The following DNM2 variants were observed in gnomAD, a reference collection of about 807,000 sequenced individuals.
The protein encoded by DNM2 is dynamin 2.
In DNM2, 15 loss-of-function variants were observed where a neutral mutation model predicts 99.0. The observed-to-expected ratio is 0.15, with a 90% confidence interval of 0.10 to 0.23. The LOEUF is 0.23. DNM2 is among the 10% of genes least tolerant of loss of function. The pLI is 1.00. For missense variants in DNM2, 742 were observed against 1,189.4 expected (o/e 0.62, Z 5.53); for synonymous variants, 525 against 481.2 (o/e 1.09, Z -1.19).
At chr19:10,728,585 A>G (rs1299144837) in intron 1 of DNM2, among the ~76,000 whole-genome samples, 1 of 151,430 alleles carries the variant, frequency 6.6e-6, no homozygotes, top group Non-Finnish European at 1.5e-5. Context: ...AGCAGCAACC[A>G]CTCTACACCA....
intron 1 of DNM2, among the ~76,000 whole-genome samples, chr19:10,736,267 A>AG (rs2069522118): frequency 6.6e-6 from 1 of 150,508 alleles, no homozygotes; most frequent in Admixed American, 6.6e-5. Context: ...TCTGTCTCAA[A>AG]AAAAAAAAAA....
At chr19:10,739,278 A>T (rs2069650376) in intron 1 of DNM2, among the ~76,000 whole-genome samples, 1 of 152,244 alleles carries the variant, frequency 6.6e-6, no homozygotes, top group East Asian at 1.9e-4. Flanking sequence ...TTATTGAAAT[A>T]TAATTCACAT....
intron 1 of DNM2, among the ~76,000 whole-genome samples, chr19:10,737,453 G>C (rs2069570723): frequency 6.6e-6 from 1 of 151,932 alleles, no homozygotes; most frequent in Non-Finnish European, 1.5e-5. Context: ...GGAACCACTT[G>C]TCATTCCTGT....
At position 10,756,601 on chromosome 19, in the gene DNM2, G is replaced by A. The variant is rs550372863; in HGVS notation, c.162-3137G>A. On this transcript the variant is annotated intron_variant, in intron 1 of 20. Transcript: ENST00000389253. ...TCCCTCGGGCTCTTTGTCATCCTCA[G>A]GAGTGTGGCTCGAAGACAGGTAGCA... 3.3e-5 allele frequency among the ~76,000 whole-genome samples: 5 copies of A among 152,318 alleles called. No homozygotes were observed. In the South Asian group the frequency reaches 1.0e-3, roughly 32 times the overall value.
rs1394936958 is a variant in DNM2, at chr19:10,795,656, C to G, written c.1196+217C>G. 3.3e-6 allele frequency: 2 copies of G among 606,184 alleles called. No individual in the cohort carries two copies. Among genetic ancestry groups the G allele is most frequent in the Admixed American group, 5.6e-5 (2 of 35,536 alleles). 37.6% of individuals were successfully genotyped at this position (606,184 alleles called of 1,614,324 possible). The stretch of plus-strand genomic sequence containing the variant: ...CGTCCATTGCAGGCTTCAGGGCTGT[C>G]TGCAGCTCCTGATCAAATAGGGCTT... On this transcript the variant is annotated intron_variant, in intron 9 of 20. Transcript: ENST00000389253. This position sits in a 1 kb window ranked among gnomAD's most constrained non-coding sequence, Gnocchi z 4.2.
chr19:10,759,671 G>T, intron 1 of DNM2, 67 bp from the exon 2 acceptor site: 1 of 1,597,312 alleles, frequency 6.3e-7, no homozygotes. Context: ...TCCACCACAT[G>T]TGGTCACACT....
At chr19:10,780,926 G>C (rs2071347149) in intron 5 of DNM2, among the ~76,000 whole-genome samples, 1 of 151,166 alleles carries the variant, frequency 6.6e-6, no homozygotes, top group African/African-American at 2.4e-5. Context: ...GCTGAGACAT[G>C]AGAATCGCTT....
At chr19:10,823,766 C>T in intron 16 of DNM2, 22 bp from the exon 17 acceptor site, 1 of 1,611,372 alleles carries the variant, frequency 6.2e-7, no homozygotes, top group Non-Finnish European at 8.5e-7. Flanking sequence ...GCTTGTGCCC[C>T]TCCTTCCCCA....
intron 1 of DNM2, among the ~76,000 whole-genome samples, chr19:10,748,378 C>A (rs1019792388): frequency 1.3e-5 from 2 of 152,154 alleles, no homozygotes; most frequent in Admixed American, 6.5e-5. Flanking sequence ...GGGTGAGGGC[C>A]AGGGGAGCCC....
rs1361038125 is a variant in DNM2 at position 10,812,853 on chromosome 19, A to T, written c.1671+476A>T. Among the ~76,000 whole-genome samples, 1 of 152,204 alleles carries T rather than the reference A, an allele frequency of 6.6e-6. No individual in the cohort carries two copies. The highest frequency in any genetic ancestry group is 6.5e-5 in the Admixed American group (1 of 15,280). ...GGCTGGAGAGCAGCCACCATGTGCC[A>T]AAAGGCTTACATTGTACCTGGCCCC... On this transcript the variant is annotated intron_variant, in intron 15 of 20. Transcript: ENST00000389253. This position sits in a 1 kb window ranked among gnomAD's most constrained non-coding sequence, Gnocchi z 4.0.
Position 10,732,195 on chromosome 19 carries a change from C to T in DNM2, c.161+13792C>T, listed in dbSNP as rs146343304. ...CTTGAACTCCTGACCTCAGGTTATC[C>T]GCCTGCTTCAGCCTCCCAGAGTGCT... On this transcript the variant is annotated intron_variant, in intron 1 of 20. Transcript: ENST00000389253. Among the ~76,000 whole-genome samples the T allele has an allele frequency of 8.0e-3, 1,212 of 150,828 alleles. 30 individuals are homozygous for T. Among genetic ancestry groups the T allele is most frequent in the African/African-American group, 0.028 (1,149 of 41,198 alleles).
rs1465014299 is a variant in DNM2, at chr19:10,788,244, A to AG, written c.992+1538_992+1539insG. Among the ~76,000 whole-genome samples the AG allele has an allele frequency of 4.6e-5, 7 of 152,090 alleles. No homozygotes were observed. In the East Asian group the frequency reaches 1.4e-3, roughly 29 times the overall value. On this transcript the variant is annotated intron_variant, in intron 7 of 20. Coordinates refer to ENST00000389253, the MANE Select transcript of DNM2 (RefSeq NM_001005361.3). ...TAAGACTCCGTCTCAAAAAAAAAAA[A>AG]AAAAAAAGAAGTTGAGTGTCAGGCG... is the stretch of plus-strand genomic sequence containing the variant.
Position 10,812,203 on chromosome 19 carries a change from C to T in DNM2, c.1558-61C>T, listed in dbSNP as rs759187856. 17 of 1,444,988 alleles carry T rather than the reference C, an allele frequency of 1.2e-5. No homozygotes were observed. The highest frequency in any genetic ancestry group is 2.5e-5 in the East Asian group (1 of 39,374). The allele number at this position is 1,444,988 out of a possible 1,614,324, so 89.5% of individuals were successfully genotyped here. A position where few individuals can be genotyped will look rare whatever the true frequency, so the allele number is the denominator to read the frequency against. Reference sequence around the variant, plus strand: ...CACTGAGCTGTGGGCAAGGCTGCTGCGCTGGGGGATGGCTGGGGCACGGAG... The same window carrying T: ...CACTGAGCTGTGGGCAAGGCTGCTGTGCTGGGGGATGGCTGGGGCACGGAG... On this transcript the variant is annotated intron_variant, in intron 14 of 20. Transcript: ENST00000389253. The surrounding 1 kb of genome is among the most constrained non-coding windows in gnomAD (Gnocchi z 4.0).
chr19:10,759,622 G>T, intron 1 of DNM2, 116 bp from the exon 2 acceptor site: 2 of 1,262,376 alleles, frequency 1.6e-6, no homozygotes, highest in Non-Finnish European at 2.3e-6. Flanking sequence ...TGGGGTTGGT[G>T]CCTTTGCTGA....
intron 1 of DNM2, among the ~76,000 whole-genome samples, chr19:10,758,972 C>T (rs149082590): frequency 9.9e-4 from 151 of 152,028 alleles, no homozygotes; most frequent in African/African-American, 3.5e-3. Context: ...CACAGAGTCT[C>T]GCTCTATTGC....
At position 10,775,987 on chromosome 19, in the gene DNM2, C is replaced by T. The variant is rs1428350865; in HGVS notation, c.589+81C>T. ...GCCCAGCATCCTTGGTTCCAAGTCA[C>T]TGGCGTTCTCTTTAATCCATGGCCG... On this transcript the variant is annotated intron_variant, in intron 4 of 20. Transcript: ENST00000389253. This position sits in a 1 kb window ranked among gnomAD's most constrained non-coding sequence, Gnocchi z 4.3. 6.5e-7 allele frequency: 1 copy of T among 1,540,658 alleles called. No individual in the cohort carries two copies. The highest frequency in any genetic ancestry group is 1.4e-5 in the African/African-American group (1 of 73,270).
At chr19:10,786,512 C>T in intron 6 of DNM2, 52 bp from the exon 7 acceptor site, 1 of 1,612,290 alleles carries the variant, frequency 6.2e-7, no homozygotes, top group Non-Finnish European at 8.5e-7. Flanking sequence ...TCTGCCACTC[C>T]CTGGTATCCT....
At chr19:10,770,290 C>T (rs1030743743) in intron 2 of DNM2, among the ~76,000 whole-genome samples, 14 of 152,174 alleles carry the variant, frequency 9.2e-5, no homozygotes, top group Non-Finnish European at 1.8e-4. Context: ...TCCTGGTGGA[C>T]GTTGAGGCCA....
Position 10,829,121 on chromosome 19 carries a change from A to T in DNM2, c.2144A>T (p.Gln715Leu), listed in dbSNP as rs374041367. Reference sequence around the variant, plus strand: ...AGCCTCATGGAGGAGTCGGCTGACCAGGCACAGCGGCGGGACGACATGCTG... The same window carrying T: ...AGCCTCATGGAGGAGTCGGCTGACCTGGCACAGCGGCGGGACGACATGCTG... ...QSSLMEESAD[Q>L]AQRRDDMLRM... The change falls in exon 19 of 21, where the codon CAG becomes CTG. Residue 715 changes from glutamine to leucine, a missense_variant. This residue lies in a region of DNM2 where 240 missense variants were observed against 431.3 expected (regional missense o/e 0.56). Coordinates refer to ENST00000389253, the MANE Select transcript of DNM2 (RefSeq NM_001005361.3). 4.3e-6 allele frequency: 7 copies of T among 1,613,954 alleles called. No individual in the cohort carries two copies. The African/African-American group carries it at 9.3e-5, about 22-fold the overall frequency.
Sources: allele counts gnomAD v4.1 joint callset (sites outside exome capture counted in the v4.1 genomes callset), GRCh38; gene constraint gnomAD v4.1.1; regional missense constraint gnomAD v4.1.1; non-coding constraint Gnocchi (gnomAD v3.1); transcripts MANE v1.5; gene names NCBI Gene and HGNC (gene_info 2026-07-23, HGNC 2026-07-21).